The following MYRFL variants were observed in gnomAD, a reference collection of about 807,000 sequenced individuals.
MYRFL encodes the protein myelin regulatory factor like, also known as myelin regulatory factor-like protein.
A neutral mutation model predicts 109.4 loss-of-function variants in MYRFL; 88 were observed. The ratio of observed to expected loss-of-function variants is 0.80; its 90% CI spans 0.68 to 0.96. The LOEUF (loss-of-function observed/expected upper bound fraction) is 0.96, where lower values mean the gene tolerates loss of function less well. MYRFL is among the 40% of genes least tolerant of loss of function. The probability of loss-of-function intolerance (pLI) is 0.00; values close to 1 mark genes in which losing one functional copy is unlikely to be tolerated. For synonymous variants in MYRFL, 324 were observed against 320.9 expected, an observed-to-expected ratio of 1.01 and a Z score of -0.10; for missense variants, 957 against 954.9, an observed-to-expected ratio of 1.00 and a Z score of -0.03.
chr12:69,908,716 G>C (rs1444894407), intron 11 of MYRFL, among the ~76,000 whole-genome samples: 1 of 152,140 alleles, frequency 6.6e-6, no homozygotes, highest in Middle Eastern at 3.4e-3. Context: ...CTATCAGCTG[G>C]GTCTTCCTGT....
rs529851628 is a variant in MYRFL, at chr12:69,885,775, G to A, written c.557-1045G>A. On this transcript the variant is annotated intron_variant, in intron 5 of 24. Coordinates refer to ENST00000552032, the MANE Select transcript of MYRFL (RefSeq NM_182530.3). ...TGACCATTTTTGACATAGAAAAGTGGCAGTTTTCTACAGTTGATATTGCAC... is the reference window on the plus strand; with the variant it reads ...TGACCATTTTTGACATAGAAAAGTGACAGTTTTCTACAGTTGATATTGCAC... 2.0e-5 allele frequency among the ~76,000 whole-genome samples: 3 copies of A among 152,248 alleles called. No individual in the cohort carries two copies. In the East Asian group the frequency reaches 5.8e-4, roughly 29 times the overall value.
At chr12:69,890,382 T>TA (rs1405761274) in intron 6 of MYRFL, among the ~76,000 whole-genome samples, 1 of 152,146 alleles carries the variant, frequency 6.6e-6, no homozygotes, top group East Asian at 1.9e-4. Context: ...ATTAAAAGTC[T>TA]AAAAAACACA....
At chr12:69,846,067 C>T (rs1362833434) in intron 1 of MYRFL, among the ~76,000 whole-genome samples, 2 of 145,198 alleles carry the variant, frequency 1.4e-5, no homozygotes, top group Non-Finnish European at 3.0e-5. Context: ...CTTAGTTTAA[C>T]CCTTGGATGC....
chr12:69,936,429 TC>T, intron 18 of MYRFL, 23 bp from the exon 19 acceptor site: 1 of 1,529,508 alleles, frequency 6.5e-7, no homozygotes, highest in Non-Finnish European at 8.8e-7. Context: ...TTGCTTCCCC[TC>T]CCCCCTGCCC....
chr12:69,885,710 A>G (rs1169271555), intron 5 of MYRFL, among the ~76,000 whole-genome samples: 2 of 152,240 alleles, frequency 1.3e-5, no homozygotes, highest in Non-Finnish European at 2.9e-5. Flanking sequence ...TGCAAGGATT[A>G]TGCAAAATAG....
In MYRFL at chr12:69,895,356, T is replaced by G. The variant is rs1566006095; in HGVS notation, c.981-15T>G. On this transcript the variant is annotated splice_polypyrimidine_tract_variant and intron_variant, in intron 8 of 24. Transcript: ENST00000552032. ...TTATAGTCTCTTGGTTTTTTTTTTT[T>G]GCTGTTTGTTTTAGAATTGACCTAC... 6.7e-7 allele frequency: 1 copy of G among 1,501,946 alleles called. No homozygotes were observed. The highest frequency in any genetic ancestry group is 2.1e-5 in the Admixed American group (1 of 47,382). 93.0% of individuals were successfully genotyped at this position (1,501,946 alleles called of 1,614,324 possible). A position where few individuals can be genotyped will look rare whatever the true frequency, so the allele number is the denominator to read the frequency against.
chr12:69,840,594 C>T (rs146973721), intron 1 of MYRFL, among the ~76,000 whole-genome samples: 3 of 152,336 alleles, frequency 2.0e-5, no homozygotes, highest in Non-Finnish European at 4.4e-5. Flanking sequence ...TAGCACACTG[C>T]TCTTCATTAC....
At chr12:69,897,000 G>C (rs1273288798) in intron 9 of MYRFL, among the ~76,000 whole-genome samples, 156 bp from the exon 10 acceptor site, 2 of 152,204 alleles carry the variant, frequency 1.3e-5, no homozygotes. Flanking sequence ...TGTTTCACTG[G>C]GGGGACAACT....
At chr12:69,921,281 A>G (rs775601476) in intron 13 of MYRFL, among the ~76,000 whole-genome samples, 1 of 152,068 alleles carries the variant, frequency 6.6e-6, no homozygotes, top group Non-Finnish European at 1.5e-5. Flanking sequence ...AGCCTCAAGC[A>G]GTCCTCCCAC....
chr12:69,867,249 T>C (rs757212207), intron 2 of MYRFL, among the ~76,000 whole-genome samples: 5 of 152,170 alleles, frequency 3.3e-5, no homozygotes, highest in Non-Finnish European at 7.3e-5. Context: ...TGTCCAGGTA[T>C]GCAATGCTGC....
At chr12:69,954,842 G>A (rs1956059134) in intron 21 of MYRFL, among the ~76,000 whole-genome samples, 1 of 152,108 alleles carries the variant, frequency 6.6e-6, no homozygotes, top group Admixed American at 6.5e-5. Context: ...CACTTGTCTT[G>A]CAATCTTCTC....
chr12:69,836,832 C>CT (rs1189498275), intron 1 of MYRFL, among the ~76,000 whole-genome samples: 2 of 152,072 alleles, frequency 1.3e-5, no homozygotes, highest in Non-Finnish European at 2.9e-5. Flanking sequence ...AGGACCTGTC[C>CT]TCCCCTTTGC....
chr12:69,925,401 G>A (rs1052578027), intron 13 of MYRFL, among the ~76,000 whole-genome samples: 2 of 152,142 alleles, frequency 1.3e-5, no homozygotes, highest in Non-Finnish European at 2.9e-5. Flanking sequence ...TACAGTGTTC[G>A]AAACCCTCAA....
intron 2 of MYRFL, among the ~76,000 whole-genome samples, chr12:69,857,943 C>T (rs1033497185): frequency 1.3e-5 from 2 of 151,568 alleles, no homozygotes; most frequent in African/African-American, 4.8e-5. Flanking sequence ...TTGTCCATGA[C>T]CTTGGAGGGG....
intron 5 of MYRFL, among the ~76,000 whole-genome samples, chr12:69,882,735 G>C (rs1047351293): frequency 2.6e-5 from 4 of 152,140 alleles, no homozygotes; most frequent in African/African-American, 9.7e-5. Flanking sequence ...TACTTGGTCT[G>C]AACCCCAAAT....
chr12:69,902,551 C>A (rs528842662), intron 10 of MYRFL, among the ~76,000 whole-genome samples: 2 of 152,144 alleles, frequency 1.3e-5, no homozygotes, highest in South Asian at 2.1e-4. Context: ...GTATCATATA[C>A]CACCAGAAAG....
intron 1 of MYRFL, among the ~76,000 whole-genome samples, chr12:69,854,237 C>A (rs566641388): frequency 6.6e-6 from 1 of 150,942 alleles, no homozygotes; most frequent in Non-Finnish European, 1.5e-5. Flanking sequence ...CTCAGGCACT[C>A]GGCAGGCTGA....
intron 19 of MYRFL, among the ~76,000 whole-genome samples, chr12:69,947,873 G>A (rs1955880115): frequency 6.6e-6 from 1 of 152,192 alleles, no homozygotes; most frequent in South Asian, 2.1e-4. Context: ...GCCAGTACAA[G>A]TACAACACAG....
chr12:69,885,140 A>G (rs1028647944), intron 5 of MYRFL, among the ~76,000 whole-genome samples: 15 of 152,252 alleles, frequency 9.9e-5, no homozygotes, highest in Non-Finnish European at 7.4e-5. Flanking sequence ...TAGACCACTT[A>G]GCTTTTGGAG....
Sources: allele counts gnomAD v4.1 joint callset (sites outside exome capture counted in the v4.1 genomes callset), GRCh38; gene constraint gnomAD v4.1.1; transcripts MANE v1.5; gene names NCBI Gene and HGNC (gene_info 2026-07-23, HGNC 2026-07-21).